GPR158: variants seen among roughly 807,000 people sequenced by gnomAD.
The protein encoded by GPR158 is G protein-coupled receptor 158, also known as metabotropic glycine receptor.
A neutral mutation model predicts 78.2 loss-of-function variants in GPR158; 30 were observed. The observed-to-expected ratio is 0.38, with a 90% CI of 0.29 to 0.52. The LOEUF (loss-of-function observed/expected upper bound fraction) is 0.52. Among genes scored for constraint, GPR158 ranks in the 20% least tolerant of loss-of-function variants. GPR158 has a pLI of 0.83. For missense variants in GPR158, 1,463 were observed against 1,523.5 expected (o/e 0.96, Z 0.66); for synonymous variants, 581 against 591.1 (o/e 0.98, Z 0.25).
intron 1 of GPR158, among the ~76,000 whole-genome samples, chr10:25,180,216 T>C (rs1415532285): frequency 2.6e-5 from 4 of 152,164 alleles, no homozygotes; most frequent in African/African-American, 9.7e-5. Flanking sequence ...AACTCTTTTG[T>C]GGTGGGTGGG....
At chr10:25,597,632 A>G (rs1401576804) in intron 10 of GPR158, 140 bp from the exon 11 acceptor site, 1 of 509,424 alleles carries the variant, frequency 2.0e-6, no homozygotes, top group Non-Finnish European at 3.3e-6. Flanking sequence ...AAAATCGACA[A>G]GTACATATGT....
At chr10:25,398,292 A>G (rs1834394442) in intron 3 of GPR158, among the ~76,000 whole-genome samples, 2 of 152,244 alleles carry the variant, frequency 1.3e-5, no homozygotes, top group Non-Finnish European at 2.9e-5. Flanking sequence ...CAAATATACA[A>G]TAGCAATCCT....
At chr10:25,422,850 A>ACCCCCC (rs11424448) in intron 4 of GPR158, among the ~76,000 whole-genome samples, 2 of 130,274 alleles carry the variant, frequency 1.5e-5, no homozygotes, top group African/African-American at 2.9e-5. Flanking sequence ...TTATTCCCTT[A>ACCCCCC]CCCCCCCCAC....
chr10:25,176,392 ACGTGTGAGG>A lies in GPR158; in HGVS notation c.902+71_902+79del. 1 of 1,208,610 alleles carries A rather than the reference ACGTGTGAGG, an allele frequency of 8.3e-7. No homozygotes were observed. Among genetic ancestry groups the A allele is most frequent in the South Asian group, 1.5e-5 (1 of 66,216 alleles). The allele number at this position is 1,208,610 out of a possible 1,614,324, so 74.9% of individuals were successfully genotyped here. A position where few individuals can be genotyped will look rare whatever the true frequency, so the allele number is the denominator to read the frequency against. On this transcript the variant is annotated intron_variant, in intron 1 of 10. Coordinates refer to ENST00000376351, the MANE Select transcript of GPR158 (RefSeq NM_020752.3). The surrounding 1 kb of genome is among the most constrained non-coding windows in gnomAD (Gnocchi z 6.3). ...TCCTTCCGGTCTTGTGGGTGGGTGC[ACGTGTGAGG>A]AAGGAACCCTTGGCTGTGACGCGAA...
chr10:25,531,673 T>C (rs971238492), intron 5 of GPR158, among the ~76,000 whole-genome samples: 7 of 152,174 alleles, frequency 4.6e-5, no homozygotes, highest in Non-Finnish European at 8.8e-5. Flanking sequence ...AAGGATCTGG[T>C]AGGATCACCT....
At chr10:25,397,930 C>T (rs908274041) in intron 3 of GPR158, among the ~76,000 whole-genome samples, 3 of 152,216 alleles carry the variant, frequency 2.0e-5, no homozygotes, top group African/African-American at 7.2e-5. Flanking sequence ...GAATCTTCTA[C>T]TGGCTTTGAA....
chr10:25,576,757 A>C (rs1391000994), intron 7 of GPR158, among the ~76,000 whole-genome samples: 1 of 152,088 alleles, frequency 6.6e-6, no homozygotes, highest in Non-Finnish European at 1.5e-5. Context: ...AAAACTTAAG[A>C]AGCAGAAATT....
intron 7 of GPR158, among the ~76,000 whole-genome samples, chr10:25,585,712 C>T (rs1367494927): frequency 6.6e-6 from 1 of 152,324 alleles, no homozygotes; most frequent in East Asian, 1.9e-4. Context: ...GGAGTGGTGG[C>T]TCACGCCTGT....
chr10:25,275,941 T>C (rs1223406546), intron 2 of GPR158, among the ~76,000 whole-genome samples: 1 of 152,208 alleles, frequency 6.6e-6, no homozygotes, highest in Admixed American at 6.6e-5. Context: ...ATATTGCACT[T>C]ATTTATGTGA....
intron 5 of GPR158, among the ~76,000 whole-genome samples, chr10:25,533,951 A>G (rs1048819659): frequency 3.9e-5 from 6 of 152,188 alleles, no homozygotes; most frequent in African/African-American, 1.4e-4. Context: ...CCTACATCAC[A>G]GTATTGTTGT....
intron 4 of GPR158, among the ~76,000 whole-genome samples, chr10:25,449,498 G>A (rs569508294): frequency 1.4e-4 from 22 of 152,282 alleles, no homozygotes; most frequent in Admixed American, 3.9e-4. Context: ...ATGAAGTACC[G>A]TGTGCAGTGA....
chr10:25,535,773 G>T (rs1340958029), intron 5 of GPR158, among the ~76,000 whole-genome samples: 1 of 152,152 alleles, frequency 6.6e-6, no homozygotes, highest in Non-Finnish European at 1.5e-5. Context: ...TGCCTAGTCT[G>T]CTTCTTTCCT....
chr10:25,365,296 A>G (rs1410109128), intron 2 of GPR158, among the ~76,000 whole-genome samples: 1 of 151,340 alleles, frequency 6.6e-6, no homozygotes, highest in Non-Finnish European at 1.5e-5. Context: ...TTCTCCCCAT[A>G]ATAAAAGCTC....
chr10:25,502,804 C>CT (rs1318288419), intron 5 of GPR158, among the ~76,000 whole-genome samples: 6 of 152,144 alleles, frequency 3.9e-5, no homozygotes, highest in Admixed American at 2.0e-4. Flanking sequence ...GAATTTATCA[C>CT]ATTCCTTTCT....
rs973792976 is a variant in GPR158 at position 25,601,158 on chromosome 10, T to C, written c.*1884T>C. On this transcript the variant is annotated 3_prime_UTR_variant, in exon 11 of 11. Coordinates refer to ENST00000376351, the MANE Select transcript of GPR158 (RefSeq NM_020752.3). ...TCAGTGGAAGGTAAAAACAGAATTC[T>C]CCATATTCATCATCAAATTTTTCTC... 1.3e-5 allele frequency: 2 copies of C among 152,616 alleles called. No individual in the cohort carries two copies. Among genetic ancestry groups the C allele is most frequent in the African/African-American group, 4.8e-5 (2 of 41,460 alleles). 9.5% of individuals were successfully genotyped at this position (152,616 alleles called of 1,614,324 possible).
chr10:25,188,820 A>G (rs1045944765), intron 1 of GPR158, among the ~76,000 whole-genome samples: 2 of 152,230 alleles, frequency 1.3e-5, no homozygotes, highest in African/African-American at 4.8e-5. Flanking sequence ...TCACAGCAAA[A>G]GAAACTACCA....
chr10:25,245,921 T>C (rs957031711), intron 2 of GPR158, among the ~76,000 whole-genome samples: 1 of 152,252 alleles, frequency 6.6e-6, no homozygotes, highest in Non-Finnish European at 1.5e-5. Context: ...TTTGTTATTA[T>C]TGAAAGATAC....
At chr10:25,281,427 A>G (rs1418454337) in intron 2 of GPR158, among the ~76,000 whole-genome samples, 1 of 150,784 alleles carries the variant, frequency 6.6e-6, no homozygotes, top group Non-Finnish European at 1.5e-5. Flanking sequence ...AAAAAAAAAA[A>G]AATAGCTGGG....
At position 25,224,772 on chromosome 10, in the gene GPR158, CT is replaced by C. The variant is rs1853350632; in HGVS notation, c.1008+3618del. 2.0e-5 allele frequency among the ~76,000 whole-genome samples: 3 copies of C among 152,036 alleles called. No homozygotes were observed. The East Asian group carries it at 5.8e-4, about 29-fold the overall frequency. ...TGCTACCAATTTTTGCAGAGGTTTT[CT>C]TTACAGAGATACAGCTGGCAATTCT... is the stretch of plus-strand genomic sequence containing the variant. On this transcript the variant is annotated intron_variant, in intron 2 of 10. Coordinates refer to ENST00000376351, the MANE Select transcript of GPR158 (RefSeq NM_020752.3).
Sources: allele counts gnomAD v4.1 joint callset (sites outside exome capture counted in the v4.1 genomes callset), GRCh38; gene constraint gnomAD v4.1.1; non-coding constraint Gnocchi (gnomAD v3.1); transcripts MANE v1.5; gene names NCBI Gene and HGNC (gene_info 2026-07-23, HGNC 2026-07-21).